KIAA1328: variants seen among roughly 807,000 people sequenced by gnomAD.
KIAA1328 encodes the protein protein hinderin.
Under a neutral mutation model 68.1 loss-of-function variants are expected in KIAA1328, and 52 were observed. The ratio of observed to expected loss-of-function variants is 0.76; its 90% confidence interval spans 0.61 to 0.96. The LOEUF (loss-of-function observed/expected upper bound fraction) is 0.96, where lower values mean the gene tolerates loss of function less well. KIAA1328 is among the 40% of genes least tolerant of loss of function. KIAA1328 has a pLI of 0.00. For missense variants in KIAA1328, 641 were observed against 677.6 expected (o/e 0.95, Z 0.60); for synonymous variants, 232 against 239.4 (o/e 0.97, Z 0.28).
intron 1 of KIAA1328, among the ~76,000 whole-genome samples, chr18:36,832,350 G>T (rs1202973304): frequency 3.3e-5 from 5 of 152,098 alleles, no homozygotes; most frequent in Non-Finnish European, 5.9e-5. Context: ...ATTTTGGGAG[G>T]CCAAAGCAGG....
intron 4 of KIAA1328, among the ~76,000 whole-genome samples, chr18:36,882,588 G>T (rs1230120713): frequency 6.6e-6 from 1 of 151,794 alleles, no homozygotes; most frequent in African/African-American, 2.4e-5. Context: ...AGCCTTCCAG[G>T]GCTTAATAAT....
chr18:37,070,992 C>G (rs1317025511), intron 7 of KIAA1328, among the ~76,000 whole-genome samples: 2 of 150,936 alleles, frequency 1.3e-5, no homozygotes, highest in African/African-American at 4.9e-5. Context: ...TTTGAGTCAG[C>G]CAGTTTCTTT....
chr18:36,904,173 G>A (rs976458849), intron 5 of KIAA1328, among the ~76,000 whole-genome samples: 6 of 152,030 alleles, frequency 3.9e-5, no homozygotes, highest in Admixed American at 2.6e-4. Context: ...TATTATTACC[G>A]TTATTATCAT....
chr18:37,014,131 T>C (rs146826374), intron 6 of KIAA1328, among the ~76,000 whole-genome samples: 61 of 152,366 alleles, frequency 4.0e-4, no homozygotes, highest in African/African-American at 1.4e-3. Context: ...TGTTGGCCAC[T>C]TGTGTGTCTT....
At chr18:36,887,748 A>G (rs1232114106) in intron 5 of KIAA1328, among the ~76,000 whole-genome samples, 1 of 152,206 alleles carries the variant, frequency 6.6e-6, no homozygotes, top group Non-Finnish European at 1.5e-5. Context: ...CTGGAAATGA[A>G]TTCAGCCCCC....
chr18:37,060,151 G>A (rs2056091169), intron 6 of KIAA1328, among the ~76,000 whole-genome samples: 1 of 151,002 alleles, frequency 6.6e-6, no homozygotes, highest in South Asian at 2.1e-4. Context: ...AGAACTTAAA[G>A]TATAATAATA....
At chr18:37,029,405 A>C (rs2054730096) in intron 6 of KIAA1328, among the ~76,000 whole-genome samples, 3 of 151,922 alleles carry the variant, frequency 2.0e-5, no homozygotes, top group Admixed American at 2.0e-4. Flanking sequence ...ACAAGGTCTC[A>C]CTGTGTCGCC....
chr18:37,081,516 T>C (rs906633477), intron 7 of KIAA1328, among the ~76,000 whole-genome samples: 1 of 152,230 alleles, frequency 6.6e-6, no homozygotes, highest in Non-Finnish European at 1.5e-5. Context: ...TGCACATTAA[T>C]ATCATATAAC....
chr18:37,227,511 G>A (rs567990173), downstream of KIAA1328, among the ~76,000 whole-genome samples: 19 of 152,248 alleles, frequency 1.2e-4, no homozygotes, highest in Middle Eastern at 6.8e-3. Context: ...TTACAATTCC[G>A]AAAATCCAAA....
intron 6 of KIAA1328, among the ~76,000 whole-genome samples, chr18:37,063,126 C>G (rs1051124963): frequency 1.3e-5 from 2 of 150,708 alleles, no homozygotes; most frequent in Non-Finnish European, 2.9e-5. Flanking sequence ...GCATTATTAT[C>G]TGGAGCTCAA....
intron 9 of KIAA1328, among the ~76,000 whole-genome samples, chr18:37,211,277 T>A (rs1266930110): frequency 6.6e-6 from 1 of 152,228 alleles, no homozygotes; most frequent in African/African-American, 2.4e-5. Context: ...TCACTTGCTC[T>A]GTGACTCCAT....
intron 5 of KIAA1328, among the ~76,000 whole-genome samples, chr18:36,888,764 A>G (rs1350544062): frequency 6.6e-6 from 1 of 152,182 alleles, no homozygotes. Flanking sequence ...TATAAAACTT[A>G]GAAACATAAA....
At chr18:37,088,557 G>A (rs1017827242) in intron 7 of KIAA1328, among the ~76,000 whole-genome samples, 18 of 151,330 alleles carry the variant, frequency 1.2e-4, no homozygotes, top group African/African-American at 3.9e-4. Flanking sequence ...TAGTTCATAC[G>A]TATTTTTTAA....
intron 7 of KIAA1328, among the ~76,000 whole-genome samples, chr18:37,117,929 G>T (rs970921970): frequency 1.3e-5 from 2 of 149,550 alleles, no homozygotes; most frequent in Admixed American, 6.7e-5. Context: ...AAAGAATAAA[G>T]AATTACTTAT....
chr18:36,984,327 T>C (rs947955046), intron 6 of KIAA1328, among the ~76,000 whole-genome samples: 6 of 152,158 alleles, frequency 3.9e-5, no homozygotes, highest in African/African-American at 1.4e-4. Context: ...ATTCTTTATT[T>C]ATAAATAGCA....
intron 6 of KIAA1328, among the ~76,000 whole-genome samples, chr18:37,013,596 A>T (rs1455707123): frequency 6.6e-6 from 1 of 152,100 alleles, no homozygotes; most frequent in Non-Finnish European, 1.5e-5. Flanking sequence ...AACATGTAGT[A>T]TTTGGTTTTC....
rs1014913038 is a variant in KIAA1328, at chr18:37,021,368, C to T, written c.577-45522C>T. Among the ~76,000 whole-genome samples the T allele has an allele frequency of 6.6e-5, 10 of 152,174 alleles. No homozygotes were observed. In the South Asian group the frequency reaches 1.9e-3, roughly 28 times the overall value. Reference sequence around the variant, plus strand: ...TATTAATAGAACACATTATTCTGTTCGATATTATGTTATCTTTAAAATTAA... The same window carrying T: ...TATTAATAGAACACATTATTCTGTTTGATATTATGTTATCTTTAAAATTAA... On this transcript the variant is annotated intron_variant, in intron 6 of 9. Transcript: ENST00000280020.
intron 4 of KIAA1328, among the ~76,000 whole-genome samples, chr18:36,861,268 C>T (rs1302991518): frequency 2.6e-5 from 4 of 151,878 alleles, no homozygotes; most frequent in Non-Finnish European, 5.9e-5. Flanking sequence ...TTTTCTGATA[C>T]GTTATATCGG....
intron 5 of KIAA1328, among the ~76,000 whole-genome samples, chr18:36,956,543 T>TGG (rs112740428): frequency 0.06 from 8,208 of 136,708 alleles, 282 homozygotes; most frequent in Non-Finnish European, 0.071. Context: ...AGGAAGGAAG[T>TGG]GGGGGGGGGG....
Sources: allele counts gnomAD v4.1 joint callset (sites outside exome capture counted in the v4.1 genomes callset), GRCh38; gene constraint gnomAD v4.1.1; transcripts MANE v1.5; gene names NCBI Gene and HGNC (gene_info 2026-07-23, HGNC 2026-07-21).